PGLYRP2: variants seen among roughly 807,000 people sequenced by gnomAD.
The protein encoded by PGLYRP2 is N-acetylmuramoyl-L-alanine amidase.
In PGLYRP2, 38 loss-of-function variants were observed where a neutral mutation model predicts 46.2. The ratio of observed to expected loss-of-function variants is 0.82; its 90% CI spans 0.64 to 1.08. PGLYRP2 has a LOEUF of 1.08. Ranked by LOEUF, PGLYRP2 falls within the 50% of genes least tolerant of loss-of-function variation. The pLI is 0.00. For missense variants in PGLYRP2, 713 were observed against 755.9 expected, an observed-to-expected ratio of 0.94 and a Z score of 0.67; for synonymous variants, 289 against 329.4, an observed-to-expected ratio of 0.88 and a Z score of 1.33.
rs775012681 is a variant in PGLYRP2, at chr19:15,475,636, C to A, written c.1034G>T (p.Arg345Met). ...QVWGTLVLLQ[R>M]LEPVHLQLQC... ...AAGCTGGAGGTGTACTGGCTCCAGC[C>A]TCTGTAGAAGGACAAGGGTTCCCCA... Residue 345 changes from arginine to methionine, a missense_variant, in exon 2 of 5, where the codon AGG becomes ATG. Transcript: ENST00000340880. The A allele has an allele frequency of 6.2e-7, 1 of 1,614,072 alleles. No homozygotes were observed. Among genetic ancestry groups the A allele is most frequent in the Non-Finnish European group, 8.5e-7 (1 of 1,180,048 alleles).
chr19:15,477,392 CAAAAAA>C (rs34640786), intron 1 of PGLYRP2, among the ~76,000 whole-genome samples: 2 of 80,480 alleles, frequency 2.5e-5, no homozygotes, highest in Non-Finnish European at 2.3e-5. Context: ...GACTTTGTCT[CAAAAAA>C]AAAAAAAAAA....
intron 3 of PGLYRP2, among the ~76,000 whole-genome samples, chr19:15,471,080 CA>C (rs1215021023): frequency 6.8e-6 from 1 of 147,912 alleles, no homozygotes; most frequent in Non-Finnish European, 1.5e-5. Context: ...GCTGGGACTA[CA>C]GGCGCGCAAC....
At chr19:15,477,025 A>G (rs907548852) in intron 1 of PGLYRP2, among the ~76,000 whole-genome samples, 1 of 152,142 alleles carries the variant, frequency 6.6e-6, no homozygotes. Flanking sequence ...CCAGATCGTG[A>G]GAGGGAGAGA....
intron 1 of PGLYRP2, among the ~76,000 whole-genome samples, chr19:15,478,751 GCTGGGATTACAGGTGC>G (rs1970820010): frequency 6.6e-6 from 1 of 151,726 alleles, no homozygotes; most frequent in Admixed American, 6.6e-5. Flanking sequence ...CTCCTGGGTA[GCTGGGATTACAGGTGC>G]CTGCCACCAC....
rs765090217 is a variant in PGLYRP2 at position 15,469,965 on chromosome 19, G to C, written c.1344-36C>G. 12 of 1,385,418 alleles carry C rather than the reference G, an allele frequency of 8.7e-6. No homozygotes were observed. The Admixed American group carries it at 9.5e-5, about 11-fold the overall frequency. The allele number at this position is 1,385,418 out of a possible 1,614,324, so 85.8% of individuals were successfully genotyped here. A position where few individuals can be genotyped will look rare whatever the true frequency, so the allele number is the denominator to read the frequency against. Reference sequence around the variant, plus strand: ...GAGGGAGAAGCAAGCACCATGCGGCGTGAGGGGGACCCGGGCCCTTATCCG... The same window carrying C: ...GAGGGAGAAGCAAGCACCATGCGGCCTGAGGGGGACCCGGGCCCTTATCCG... On this transcript the variant is annotated intron_variant, in intron 3 of 4. Coordinates refer to ENST00000340880, the MANE Select transcript of PGLYRP2 (RefSeq NM_052890.4). This position sits in a 1 kb window ranked among gnomAD's most constrained non-coding sequence, Gnocchi z 4.9.
chr19:15,475,394 C>G (rs575573339), intron 2 of PGLYRP2, 144 bp downstream of exon 2: 18 of 738,236 alleles, frequency 2.4e-5, no homozygotes, highest in Non-Finnish European at 3.6e-5. Context: ...ATTTCCTCAC[C>G]TGTGCAGCTG....
chr19:15,476,239 C>T lies in PGLYRP2; in HGVS notation c.431G>A (p.Ser144Asn). The T allele has an allele frequency of 6.2e-7, 1 of 1,614,152 alleles. No homozygotes were observed. The highest frequency in any genetic ancestry group is 8.5e-7 in the Non-Finnish European group (1 of 1,180,012). Residue 144 changes from serine (S) to asparagine (N), a missense_variant, in exon 2 of 5, where the codon AGC (serine) becomes AAC (asparagine). Transcript: ENST00000340880. ...TCCAGTCTCCCAAGGGGCAGCCATG[C>T]TGTCCAAGGGCAAATTTATGACCCT... Reference protein sequence around the residue: ...GRRVINLPLDSMAAPWETGDT... With the variant: ...GRRVINLPLDNMAAPWETGDT...
In PGLYRP2 at chr19:15,476,549, C is replaced by CT; in HGVS notation, c.120dup (p.Val41SerfsTer61). On this transcript the variant is annotated frameshift_variant, in exon 2 of 5. Transcript: ENST00000340880. LOFTEE classifies it high-confidence loss of function. ...GTGTGTCTGGTCTTGGCAGCTGGCA[C>CT]TTTCTGCTCCAGCTCAGCCAGGGCC... The CT allele has an allele frequency of 6.2e-7, 1 of 1,613,468 alleles. No homozygotes were observed. Among genetic ancestry groups the CT allele is most frequent in the Non-Finnish European group, 8.5e-7 (1 of 1,179,740 alleles).
At chr19:15,475,267 G>T (rs1435800459) in intron 2 of PGLYRP2, among the ~76,000 whole-genome samples, 1 of 152,110 alleles carries the variant, frequency 6.6e-6, no homozygotes, top group Non-Finnish European at 1.5e-5. Context: ...TGACCACTAT[G>T]CAATCTATGC....
chr19:15,478,522 G>A (rs2144455350), intron 1 of PGLYRP2, among the ~76,000 whole-genome samples: 1 of 152,206 alleles, frequency 6.6e-6, no homozygotes, highest in African/African-American at 2.4e-5. Context: ...AAGCACAAAG[G>A]GACTAAGATG....
At chr19:15,473,858 A>AAAAG (rs764359173) in intron 2 of PGLYRP2, among the ~76,000 whole-genome samples, 9 of 142,870 alleles carry the variant, frequency 6.3e-5, no homozygotes, top group Admixed American at 6.8e-5. Context: ...GAAAGAAAGA[A>AAAAG]AAAGAAAGAA....
At chr19:15,471,796 G>T (rs1202755867) in intron 3 of PGLYRP2, 94 bp downstream of exon 3, 27 of 1,388,072 alleles carry the variant, frequency 1.9e-5, no homozygotes, top group South Asian at 9.8e-5. Flanking sequence ...AGCTTTCCTC[G>T]GGTTCAAGCC....
At chr19:15,475,490 T>C (rs1970784797) in intron 2 of PGLYRP2, 48 bp downstream of exon 2, 2 of 1,505,904 alleles carry the variant, frequency 1.3e-6, no homozygotes, top group Non-Finnish European at 1.8e-6. Flanking sequence ...GGTGGGGGCG[T>C]CTGTGTCTGT....
chr19:15,475,529 C>A lies in PGLYRP2; in HGVS notation c.1132+9G>T, dbSNP rs201670371. On this transcript the variant is annotated intron_variant, in intron 2 of 4. Coordinates refer to ENST00000340880, the MANE Select transcript of PGLYRP2 (RefSeq NM_052890.4). ...GGGAAGGATCACAGGGTGTGGGGAACTTCCTCACCCAGGAAGGCCTCAGTG... is the reference window on the plus strand; with the variant it reads ...GGGAAGGATCACAGGGTGTGGGGAAATTCCTCACCCAGGAAGGCCTCAGTG... 2.1e-4 allele frequency: 334 copies of A among 1,573,944 alleles called. No individual in the cohort carries two copies. The highest frequency in any genetic ancestry group is 1.1e-3 in the East Asian group (47 of 44,538).
intron 2 of PGLYRP2, among the ~76,000 whole-genome samples, chr19:15,473,754 A>G (rs1299355065): frequency 6.6e-6 from 1 of 151,842 alleles, no homozygotes; most frequent in African/African-American, 2.4e-5. Context: ...AAATATTTGC[A>G]AACTATGCAC....
intron 2 of PGLYRP2, among the ~76,000 whole-genome samples, chr19:15,474,606 G>A (rs1970777628): frequency 6.6e-6 from 1 of 152,100 alleles, no homozygotes; most frequent in Admixed American, 6.6e-5. Context: ...CCTGGACGAA[G>A]GTCAGGCCCA....
chr19:15,472,168 A>G, intron 2 of PGLYRP2, 68 bp from the exon 3 acceptor site: 1 of 1,323,896 alleles, frequency 7.6e-7, no homozygotes, highest in East Asian at 2.5e-5. Context: ...ACCCGCATTA[A>G]AGCGCACATA....
rs1384365438 is a variant in PGLYRP2 at position 15,476,029 on chromosome 19, A to G, written c.641T>C (p.Met214Thr). The change falls in exon 2 of 5, where the codon ATG becomes ACG. Residue 214 changes from methionine (M) to threonine (T), a missense_variant. By Grantham distance (81) the Met-to-Thr change is moderately conservative. Transcript: ENST00000340880. Reference protein sequence around the residue: ...PDAKAKSPPTMVDSLLAVTLA... With the variant: ...PDAKAKSPPTTVDSLLAVTLA... ...GGTGACTGCCAGGAGGCTGTCCACCATGGTCGGTGGGGACTTGGCTTTGGC... is the reference window on the plus strand; with the variant it reads ...GGTGACTGCCAGGAGGCTGTCCACCGTGGTCGGTGGGGACTTGGCTTTGGC... 18 of 1,614,056 alleles carry G rather than the reference A, an allele frequency of 1.1e-5. No homozygotes were observed. The highest frequency in any genetic ancestry group is 1.7e-5 in the Admixed American group (1 of 60,006).
chr19:15,475,703 C>A lies in PGLYRP2; in HGVS notation c.967G>T (p.Gly323Cys). ...ATGGAGGCTGAAGTCAGAGCAGCAC[C>A]GTTCTGCCGTCGGAAGTTGCTGCGG... Reference protein sequence around the residue: ...GFRSNFRRQNGAALTSASILA... With the variant: ...GFRSNFRRQNCAALTSASILA... The change falls in exon 2 of 5, where the codon GGT becomes TGT. Residue 323 changes from glycine to cysteine, a missense_variant. Physicochemically the swap from Gly to Cys is radical, Grantham distance 159. Transcript: ENST00000340880. The A allele has an allele frequency of 1.9e-6, 3 of 1,614,086 alleles. No homozygotes were observed. Among genetic ancestry groups the A allele is most frequent in the Non-Finnish European group, 2.5e-6 (3 of 1,179,988 alleles).
Sources: gnomAD v4.1 joint callset for allele counts (sites outside exome capture counted in the v4.1 genomes callset) on GRCh38, gnomAD v4.1.1 for gene constraint, Gnocchi (gnomAD v3.1) non-coding constraint, MANE v1.5 for transcripts, NCBI Gene and HGNC (gene_info 2026-07-23, HGNC 2026-07-21) for gene names.